GALNT13: variants seen among roughly 807,000 people sequenced by gnomAD.
The protein encoded by GALNT13 is polypeptide N-acetylgalactosaminyltransferase 13.
Under a neutral mutation model 64.2 loss-of-function variants are expected in GALNT13, and 28 were observed. The observed-to-expected ratio is 0.44, with a 90% CI of 0.32 to 0.60. The LOEUF (loss-of-function observed/expected upper bound fraction) is 0.60, where lower values mean the gene tolerates loss of function less well. Among genes scored for constraint, GALNT13 ranks in the 20% least tolerant of loss-of-function variants. GALNT13 has a pLI of 0.05. For synonymous variants in GALNT13, 214 were observed against 224.6 expected, an observed-to-expected ratio of 0.95 and a Z score of 0.42; for missense variants, 577 against 669.8, an observed-to-expected ratio of 0.86 and a Z score of 1.53.
intron 4 of GALNT13, among the ~76,000 whole-genome samples, chr2:154,202,355 G>A (rs1180612385): frequency 6.6e-6 from 1 of 151,832 alleles, no homozygotes; most frequent in East Asian, 1.9e-4. Flanking sequence ...TATTTTTCAG[G>A]GAATGCTGCT....
the GALNT13 span, among the ~76,000 whole-genome samples, chr2:153,085,903 G>A: frequency 8.6e-4 from 131 of 152,320 alleles, no homozygotes; most frequent in African/African-American, 3.0e-3. Flanking sequence ...GCCTGTGAAA[G>A]CAGACAGGAG....
chr2:153,125,966 C>T, the GALNT13 span, among the ~76,000 whole-genome samples: 8 of 151,826 alleles, frequency 5.3e-5, no homozygotes, highest in East Asian at 1.9e-4. Context: ...TAAAAGCGTC[C>T]GGTGATTATG....
At chr2:154,242,566 T>C in intron 5 of GALNT13, 132 bp from the exon 6 acceptor site, 1 of 622,622 alleles carries the variant, frequency 1.6e-6, no homozygotes, top group Middle Eastern at 4.3e-4. Context: ...TATTATTTTA[T>C]ATCTAAGGCA....
intron 3 of GALNT13, among the ~76,000 whole-genome samples, chr2:154,113,984 A>G (rs1013751945): frequency 1.9e-4 from 29 of 152,154 alleles, no homozygotes; most frequent in Non-Finnish European, 1.5e-5. Context: ...CTGCAATTGG[A>G]GTCACCACCT....
the GALNT13 span, among the ~76,000 whole-genome samples, chr2:153,791,433 T>C: frequency 2.0e-5 from 3 of 152,144 alleles, no homozygotes. Flanking sequence ...AAATAACAGA[T>C]GCTGGTGAGG....
intron 9 of GALNT13, among the ~76,000 whole-genome samples, chr2:154,392,251 G>A (rs1023903136): frequency 6.6e-6 from 1 of 152,092 alleles, no homozygotes; most frequent in Non-Finnish European, 1.5e-5. Context: ...CCAAGGAGAT[G>A]GGAAATCAGT....
chr2:153,197,436 C>T, the GALNT13 span, among the ~76,000 whole-genome samples: 33 of 152,342 alleles, frequency 2.2e-4, no homozygotes, highest in Admixed American at 1.9e-3. Flanking sequence ...TATCAATGGC[C>T]AACCAGTAGG....
chr2:153,129,136 ATTTCT>A, the GALNT13 span, among the ~76,000 whole-genome samples: 1 of 152,164 alleles, frequency 6.6e-6, no homozygotes, highest in African/African-American at 2.4e-5. Context: ...CTGCATAGTC[ATTTCT>A]TGCATCTTCA....
chr2:154,349,094 A>G (rs1696240070), intron 9 of GALNT13, among the ~76,000 whole-genome samples: 1 of 152,182 alleles, frequency 6.6e-6, no homozygotes, highest in African/African-American at 2.4e-5. Flanking sequence ...ATCAAATGCA[A>G]TTTTAGAGAG....
the GALNT13 span, among the ~76,000 whole-genome samples, chr2:153,117,353 G>C: frequency 6.6e-6 from 1 of 152,224 alleles, no homozygotes; most frequent in Admixed American, 6.5e-5. Flanking sequence ...GAATAACTTC[G>C]TAGTTATCAA....
At chr2:153,405,855 TC>T in the GALNT13 span, among the ~76,000 whole-genome samples, 1 of 152,018 alleles carries the variant, frequency 6.6e-6, no homozygotes, top group African/African-American at 2.4e-5. Context: ...CCCAACTCAG[TC>T]CTTAAAACTT....
chr2:153,868,828 T>C (rs562427826), upstream of GALNT13, among the ~76,000 whole-genome samples: 1 of 152,224 alleles, frequency 6.6e-6, no homozygotes, highest in Non-Finnish European at 1.5e-5. Context: ...TCTAAGCAAA[T>C]ACTTGCAATA....
At chr2:153,839,287 A>C in the GALNT13 span, among the ~76,000 whole-genome samples, 1 of 151,996 alleles carries the variant, frequency 6.6e-6, no homozygotes, top group African/African-American at 2.4e-5. Flanking sequence ...TAGAACTTCT[A>C]GTACTATATT....
chr2:153,591,125 G>A, the GALNT13 span, among the ~76,000 whole-genome samples: 1 of 151,916 alleles, frequency 6.6e-6, no homozygotes, highest in Admixed American at 6.6e-5. Flanking sequence ...TAAAGTTGCA[G>A]GATAAAAATT....
the GALNT13 span, among the ~76,000 whole-genome samples, chr2:153,573,613 T>C: frequency 2.3e-4 from 35 of 152,208 alleles, no homozygotes; most frequent in African/African-American, 8.4e-4. Context: ...GCATGTTTTT[T>C]GGTTTGAGGT....
chr2:153,887,204 A>G (rs1280654044), intron 1 of GALNT13, among the ~76,000 whole-genome samples: 4 of 151,788 alleles, frequency 2.6e-5, no homozygotes, highest in African/African-American at 9.7e-5. Context: ...TTGTAATGAC[A>G]TGAGAGTTGA....
Position 153,929,098 on chromosome 2 carries a change from A to G in GALNT13, c.-104-15296A>G, listed in dbSNP as rs141944928. 2.9e-3 allele frequency among the ~76,000 whole-genome samples: 436 copies of G among 152,204 alleles called. 7 individuals carry two copies. The highest frequency in any genetic ancestry group is 9.9e-3 in the African/African-American group (411 of 41,540). ...CTTATCCCTAATCCACTGCTTTTGT[A>G]TATCTCCCCTCCTGGATCCTAAGAC... On this transcript the variant is annotated intron_variant, in intron 2 of 12. Coordinates refer to ENST00000392825, the MANE Select transcript of GALNT13 (RefSeq NM_052917.4).
At chr2:153,148,672 A>G in the GALNT13 span, among the ~76,000 whole-genome samples, 3 of 151,746 alleles carry the variant, frequency 2.0e-5, no homozygotes, top group Non-Finnish European at 4.4e-5. Flanking sequence ...GCTATCACTT[A>G]GATTCCATTG....
At chr2:154,375,606 C>G (rs2105320589) in intron 9 of GALNT13, among the ~76,000 whole-genome samples, 1 of 152,248 alleles carries the variant, frequency 6.6e-6, no homozygotes, top group East Asian at 1.9e-4. Flanking sequence ...ACCCACGCAG[C>G]CACCAAGAGA....
Sources: gnomAD v4.1 joint callset for allele counts (sites outside exome capture counted in the v4.1 genomes callset) on GRCh38, gnomAD v4.1.1 for gene constraint, MANE v1.5 for transcripts, NCBI Gene and HGNC (gene_info 2026-07-23, HGNC 2026-07-21) for gene names.